P2RY8: variants seen among roughly 807,000 people sequenced by gnomAD.
P2RY8 encodes the protein P2Y receptor family member 8.
Under a neutral mutation model 10.0 loss-of-function variants are expected in P2RY8, and 6 were observed. The ratio of observed to expected loss-of-function variants is 0.60; its 90% CI spans 0.33 to 1.19. P2RY8 has a LOEUF of 1.19. Among genes scored for constraint, P2RY8 ranks in the 50% most tolerant of loss-of-function variants. The pLI, the probability that P2RY8 is intolerant of heterozygous loss-of-function variation, is 0.04. For synonymous variants in P2RY8, 276 were observed against 252.5 expected (o/e 1.09, Z -0.88); for missense variants, 456 against 542.0 (o/e 0.84, Z 1.58).
chrX:1,515,946 TCGGG>T (rs2092343664), intron 1 of P2RY8, among the ~76,000 whole-genome samples: 1 of 77,922 alleles, frequency 1.3e-5, no homozygotes, highest in Non-Finnish European at 2.5e-5. Flanking sequence ...GGCCGAGGGG[TCGGG>T]GGGTGGTGGA....
chrX:1,481,537 T>C (rs867376670), intron 1 of P2RY8, among the ~76,000 whole-genome samples: 1 of 151,770 alleles, frequency 6.6e-6, no homozygotes, highest in Non-Finnish European at 1.5e-5. Context: ...CAGCTTTGGG[T>C]TTAAGGAGCC....
chrX:1,488,095 A>T (rs2092003753), intron 1 of P2RY8, among the ~76,000 whole-genome samples: 1 of 148,968 alleles, frequency 6.7e-6, no homozygotes, highest in Non-Finnish European at 1.5e-5. Context: ...GGCCAACAAG[A>T]GCAAAACTCT....
intron 1 of P2RY8, 125 bp from the exon 2 acceptor site, chrX:1,466,707 G>C: frequency 1.3e-6 from 1 of 756,206 alleles, no homozygotes; most frequent in Non-Finnish European, 2.0e-6. Flanking sequence ...AGGGCCTGCT[G>C]TCTCCTCCCT....
chrX:1,532,428 C>T (rs1373983741), intron 1 of P2RY8, among the ~76,000 whole-genome samples: 2 of 140,444 alleles, frequency 1.4e-5, no homozygotes, highest in African/African-American at 5.2e-5. Context: ...TGTATATATA[C>T]ACATATATGT....
chrX:1,466,190 C>T lies in P2RY8; in HGVS notation c.369G>A (p.Leu123=). The T allele has an allele frequency of 6.2e-7, 1 of 1,612,810 alleles. No homozygotes were observed. Among genetic ancestry groups the T allele is most frequent in the Non-Finnish European group, 8.5e-7 (1 of 1,179,464 alleles). ...TGGAGCTGAGCGGGTACAGGACCCC[C>T]AGGAAGCGCTCCACGCTGATACAGG... ...TMTCISVERF[L]GVLYPLSSKR... The change falls in exon 2 of 2, where the codon CTG becomes CTA. Residue 123 remains leucine, a synonymous_variant. Coordinates refer to ENST00000381297, the MANE Select transcript of P2RY8 (RefSeq NM_178129.5).
chrX:1,488,915 G>A (rs1179951114), intron 1 of P2RY8, among the ~76,000 whole-genome samples: 1 of 151,816 alleles, frequency 6.6e-6, no homozygotes, highest in African/African-American at 2.4e-5. Flanking sequence ...TGATACCCAG[G>A]GTTCACTCCC....
At chrX:1,518,425 C>CAAAAAA (rs545400196) in intron 1 of P2RY8, among the ~76,000 whole-genome samples, 1 of 134,564 alleles carries the variant, frequency 7.4e-6, no homozygotes, top group South Asian at 2.3e-4. Flanking sequence ...GACTCCGTCT[C>CAAAAAA]AAAAAAAAAA....
chrX:1,509,371 C>CCATT (rs2092273080), intron 1 of P2RY8, among the ~76,000 whole-genome samples: 2 of 136,754 alleles, frequency 1.5e-5, no homozygotes, highest in African/African-American at 5.6e-5. Context: ...ATCCATCCAT[C>CCATT]TATTCTATCT....
chrX:1,533,071 TG>T, intron 1 of P2RY8, among the ~76,000 whole-genome samples: 2 of 148,972 alleles, frequency 1.3e-5, no homozygotes, highest in South Asian at 4.3e-4. Context: ...CAAAGGACTT[TG>T]GGAACTCCAG....
chrX:1,531,626 T>A (rs374183465), intron 1 of P2RY8, among the ~76,000 whole-genome samples: 2 of 152,226 alleles, frequency 1.3e-5, no homozygotes, highest in African/African-American at 4.8e-5. Context: ...TGCCCAGCCA[T>A]GGAGAGTCTC....
chrX:1,536,775 T>C (rs1185034328), intron 1 of P2RY8, 146 bp downstream of exon 1: 1 of 189,108 alleles, frequency 5.3e-6, no homozygotes, highest in African/African-American at 2.3e-5. Flanking sequence ...TTTGCACTCC[T>C]GGTCTGCTCT....
At chrX:1,532,310 A>ATACACACACATG (rs2092480855) in intron 1 of P2RY8, among the ~76,000 whole-genome samples, 3 of 23,360 alleles carry the variant, frequency 1.3e-4, no homozygotes, top group African/African-American at 1.9e-4. Context: ...TGTGTGCCAT[A>ATACACACACATG]TATATACACA....
chrX:1,503,179 A>G (rs2092196177), intron 1 of P2RY8, among the ~76,000 whole-genome samples: 2 of 151,988 alleles, frequency 1.3e-5, no homozygotes, highest in Non-Finnish European at 2.9e-5. Flanking sequence ...AAGCCCAGGG[A>G]TGCCTGGAGC....
chrX:1,489,417 C>T (rs1168719001), intron 1 of P2RY8, among the ~76,000 whole-genome samples: 3 of 152,112 alleles, frequency 2.0e-5, no homozygotes, highest in Non-Finnish European at 2.9e-5. Context: ...GGATTCACTT[C>T]CGTAAATGTA....
intron 1 of P2RY8, among the ~76,000 whole-genome samples, chrX:1,530,049 A>G (rs1349388971): frequency 2.6e-5 from 4 of 151,894 alleles, no homozygotes; most frequent in Non-Finnish European, 5.9e-5. Context: ...TCCTGCTTTT[A>G]GTATAGAGAA....
rs185163347 is a variant in P2RY8, at chrX:1,464,025, G to T, written c.*1454C>A. 12 of 233,266 alleles carry T rather than the reference G, an allele frequency of 5.1e-5. No individual in the cohort carries two copies. The East Asian group carries it at 6.6e-4, about 13-fold the overall frequency. The allele number at this position is 233,266 out of a possible 1,614,324, so 14.4% of individuals were successfully genotyped here. A position where few individuals can be genotyped will look rare whatever the true frequency, so the allele number is the denominator to read the frequency against. ...TCTGTTTTCCTGCCATAGTGATGAC[G>T]GCAGGAGAGAGGCACCAATAGAGGG... On this transcript the variant is annotated 3_prime_UTR_variant, in exon 2 of 2. Transcript: ENST00000381297.
Position 1,504,945 on chromosome X carries a change from A to C in P2RY8, c.-25+31976T>G, listed in dbSNP as rs1569537873. Among the ~76,000 whole-genome samples, 3 of 152,180 alleles carry C rather than the reference A, an allele frequency of 2.0e-5. No homozygotes were observed. The South Asian group carries it at 6.2e-4, about 32-fold the overall frequency. ...CAGGAGATCGAGACCATCCTGGCTA[A>C]CACGGTGAAACCCTGTCTCTACTAA... On this transcript the variant is annotated intron_variant, in intron 1 of 1. Transcript: ENST00000381297.
chrX:1,536,390 T>A (rs2092527267), intron 1 of P2RY8, among the ~76,000 whole-genome samples: 1 of 151,940 alleles, frequency 6.6e-6, no homozygotes, highest in Admixed American at 6.6e-5. Context: ...GCCTCCCGAG[T>A]AGCTGGGACC....
intron 1 of P2RY8, among the ~76,000 whole-genome samples, chrX:1,530,530 A>C (rs1174714071): frequency 8.5e-4 from 126 of 148,266 alleles, no homozygotes; most frequent in Non-Finnish European, 1.4e-3. Context: ...ATGTACGTAC[A>C]TATGTATGTA....
Sources: allele counts gnomAD v4.1 joint callset (sites outside exome capture counted in the v4.1 genomes callset), GRCh38; gene constraint gnomAD v4.1.1; transcripts MANE v1.5; gene names NCBI Gene and HGNC (gene_info 2026-07-23, HGNC 2026-07-21).